Variants in CNGB3 observed in about 807,000 individuals in gnomAD.
CNGB3 encodes cyclic nucleotide gated channel subunit beta 3.
CNGB3 carries 86 observed loss-of-function variants against 92.8 expected under a neutral mutation model. That is an observed-to-expected ratio of 0.93 (90% confidence interval 0.78 to 1.11). The LOEUF is 1.11. Ranked by LOEUF, CNGB3 falls within the 50% of genes least tolerant of loss-of-function variation. CNGB3 has a pLI of 0.00. For missense variants in CNGB3, 1,026 were observed against 956.8 expected (o/e 1.07, Z -0.95); for synonymous variants, 333 against 332.7 (o/e 1.00, Z -0.01).
chr8:86,737,496 T>G (rs1160926542), intron 2 of CNGB3, among the ~76,000 whole-genome samples: 1 of 152,200 alleles, frequency 6.6e-6, no homozygotes, highest in Non-Finnish European at 1.5e-5. Flanking sequence ...GTCCTTTTTT[T>G]AAATTTTTCT....
intron 15 of CNGB3, among the ~76,000 whole-genome samples, chr8:86,584,731 T>C (rs759704388): frequency 6.2e-4 from 94 of 152,138 alleles, no homozygotes; most frequent in Non-Finnish European, 2.1e-4. Context: ...TTTCCCTAGG[T>C]AAAAATAGAG....
chr8:86,602,363 G>A (rs943379608), intron 15 of CNGB3, among the ~76,000 whole-genome samples: 2 of 152,090 alleles, frequency 1.3e-5, no homozygotes, highest in Non-Finnish European at 2.9e-5. Context: ...GAAATAACAT[G>A]TTTCAACATT....
At chr8:86,632,004 T>C (rs1338504008) in intron 11 of CNGB3, among the ~76,000 whole-genome samples, 1 of 151,982 alleles carries the variant, frequency 6.6e-6, no homozygotes, top group African/African-American at 2.4e-5. Context: ...GGTTCTTACA[T>C]GGGCTCCTAC....
intron 3 of CNGB3, among the ~76,000 whole-genome samples, chr8:86,675,312 A>G (rs1823945752): frequency 6.6e-6 from 1 of 152,138 alleles, no homozygotes; most frequent in Non-Finnish European, 1.5e-5. Context: ...GGCTCAAGCA[A>G]TCTTCCTGCC....
chr8:86,599,302 C>A (rs1412784960), intron 15 of CNGB3, among the ~76,000 whole-genome samples: 2 of 152,180 alleles, frequency 1.3e-5, no homozygotes, highest in East Asian at 3.8e-4. Flanking sequence ...ATCTCATCAT[C>A]TTCGTAAACT....
chr8:86,602,920 G>T (rs989539852), intron 15 of CNGB3, among the ~76,000 whole-genome samples: 12 of 152,260 alleles, frequency 7.9e-5, no homozygotes, highest in Middle Eastern at 3.4e-3. Context: ...TCTGGGTCTT[G>T]CTCACCTATT....
At chr8:86,714,842 C>T (rs1018150827) in intron 3 of CNGB3, among the ~76,000 whole-genome samples, 16 of 152,234 alleles carry the variant, frequency 1.1e-4, no homozygotes, top group African/African-American at 3.4e-4. Context: ...CTGCATGCTA[C>T]GTGGGAGCGG....
intron 6 of CNGB3, among the ~76,000 whole-genome samples, chr8:86,666,417 T>C (rs1417724679): frequency 6.6e-6 from 1 of 152,206 alleles, no homozygotes; most frequent in Non-Finnish European, 1.5e-5. Context: ...AAGGCCTGGG[T>C]TAGGATCCTG....
At chr8:86,696,534 C>G (rs1473936437) in intron 3 of CNGB3, among the ~76,000 whole-genome samples, 2 of 152,144 alleles carry the variant, frequency 1.3e-5, no homozygotes, top group African/African-American at 4.8e-5. Flanking sequence ...GTTCTTGGAG[C>G]AAAAGTTCAT....
Position 86,604,133 on chromosome 8 carries a change from G to A in CNGB3, c.1741C>T (p.Leu581=). 6.2e-7 allele frequency: 1 copy of A among 1,613,650 alleles called. No individual in the cohort carries two copies. The highest frequency in any genetic ancestry group is 8.5e-7 in the Non-Finnish European group (1 of 1,179,642). ...ACCGACCCAGCTTTCAGAGTAACCA[G>A]AACTTTAGTACCATCAGGGCCTCCA... ...VLGGPDGTKV[L]VTLKAGSVFG... is the part of the protein sequence containing the mutation. Residue 581 remains leucine (L), a synonymous_variant, in exon 15 of 18, where the codon CTG becomes TTG. Coordinates refer to ENST00000320005, the MANE Select transcript of CNGB3 (RefSeq NM_019098.5).
Position 86,575,738 on chromosome 8 carries a change from A to C in CNGB3, c.*66T>G. ...GCATGTCGTTTCCCCTCGTTAATTT[A>C]AGTTACAATCCTAGGTACAATCACT... On this transcript the variant is annotated 3_prime_UTR_variant, in exon 18 of 18. Transcript: ENST00000320005. 9 of 1,447,418 alleles carry C rather than the reference A, an allele frequency of 6.2e-6. No homozygotes were observed. The highest frequency in any genetic ancestry group is 8.7e-6 in the Non-Finnish European group (9 of 1,037,380). The allele number at this position is 1,447,418 out of a possible 1,614,324, so 89.7% of individuals were successfully genotyped here.
At chr8:86,578,450 G>A (rs1180693644) in intron 17 of CNGB3, among the ~76,000 whole-genome samples, 2 of 152,178 alleles carry the variant, frequency 1.3e-5, no homozygotes, top group East Asian at 1.9e-4. Flanking sequence ...GGTATACTCT[G>A]TTTATAAATA....
chr8:86,659,153 C>T, intron 6 of CNGB3: 1 of 708,494 alleles, frequency 1.4e-6, no homozygotes, highest in Middle Eastern at 2.4e-4. Context: ...TCATGCTGTG[C>T]TCCTTCTCCT....
Position 86,578,679 on chromosome 8 carries a change from A to C in CNGB3, c.2103+10T>G. The C allele has an allele frequency of 6.2e-7, 1 of 1,613,436 alleles. No individual in the cohort carries two copies. The highest frequency in any genetic ancestry group is 8.5e-7 in the Non-Finnish European group (1 of 1,179,944). On this transcript the variant is annotated intron_variant, in intron 17 of 17. Transcript: ENST00000320005. The stretch of plus-strand genomic sequence containing the variant: ...TCCATGACAGCCGTCCATTCACTCC[A>C]CCTTATTACCTGAGCTGCTTGCTCT...
chr8:86,580,944 A>G (rs994444941), intron 15 of CNGB3, among the ~76,000 whole-genome samples: 2 of 152,252 alleles, frequency 1.3e-5, no homozygotes, highest in African/African-American at 4.8e-5. Context: ...GCAATGAGAT[A>G]TAAGAAGCTG....
intron 3 of CNGB3, among the ~76,000 whole-genome samples, 175 bp downstream of exon 3, chr8:86,726,356 A>C (rs527605653): frequency 6.6e-6 from 1 of 152,298 alleles, no homozygotes; most frequent in South Asian, 2.1e-4. Flanking sequence ...CCAGTGAGGT[A>C]CGATGAACTG....
At chr8:86,645,335 ACTTCCT>A (rs756049666) in intron 8 of CNGB3, among the ~76,000 whole-genome samples, 76 of 151,088 alleles carry the variant, frequency 5.0e-4, no homozygotes, top group Admixed American at 2.5e-3. Context: ...CCTACTTCCT[ACTTCCT>A]CTTTTGTTTC....
chr8:86,601,701 G>A (rs999362248), intron 15 of CNGB3, among the ~76,000 whole-genome samples: 3 of 152,208 alleles, frequency 2.0e-5, no homozygotes, highest in East Asian at 1.9e-4. Context: ...GAGCTTCAGC[G>A]GCATATGACA....
In CNGB3 at chr8:86,591,159, C is replaced by T. The variant is rs909224818; in HGVS notation, c.1782-11907G>A. ...GCTCCTGAGGCTTCTGCATTCTTCA[C>T]GTAGTTCTCGAGCCTTGGTTTTCAG... On this transcript the variant is annotated intron_variant, in intron 15 of 17. Transcript: ENST00000320005. Among the ~76,000 whole-genome samples the T allele has an allele frequency of 3.8e-3, 575 of 150,114 alleles. 2 individuals are homozygous for T. The highest frequency in any genetic ancestry group is 5.7e-3 in the Non-Finnish European group (381 of 67,410).
Sources: allele counts gnomAD v4.1 joint callset (sites outside exome capture counted in the v4.1 genomes callset), GRCh38; gene constraint gnomAD v4.1.1; transcripts MANE v1.5; gene names NCBI Gene and HGNC (gene_info 2026-07-23, HGNC 2026-07-21).